The following USP12 variants were observed in gnomAD, a reference collection of about 807,000 sequenced individuals.
USP12 encodes the protein ubiquitin carboxyl-terminal hydrolase 12.
In USP12, 19 loss-of-function variants were observed where a neutral mutation model predicts 45.5. That is an observed-to-expected ratio of 0.42 (90% CI 0.29 to 0.61). USP12 has a LOEUF of 0.61. Among genes scored for constraint, USP12 ranks in the 20% least tolerant of loss-of-function variants. USP12 has a pLI of 0.22. For synonymous variants in USP12, 149 were observed against 148.8 expected (o/e 1.00, Z -0.01); for missense variants, 242 against 447.7 (o/e 0.54, Z 4.15).
intron 1 of USP12, among the ~76,000 whole-genome samples, chr13:27,146,105 T>C (rs1403306486): frequency 6.6e-6 from 1 of 152,146 alleles, no homozygotes; most frequent in Non-Finnish European, 1.5e-5. Flanking sequence ...GTAAAATTTC[T>C]TTAAAAGTAC....
At chr13:27,159,591 C>A (rs1255875867) in intron 1 of USP12, among the ~76,000 whole-genome samples, 1 of 152,210 alleles carries the variant, frequency 6.6e-6, no homozygotes, top group Non-Finnish European at 1.5e-5. Flanking sequence ...TATCCTAACT[C>A]TCTTTAACAG....
At chr13:27,087,499 G>A (rs568785610) in intron 6 of USP12, among the ~76,000 whole-genome samples, 13 of 152,250 alleles carry the variant, frequency 8.5e-5, no homozygotes, top group South Asian at 2.1e-4. Context: ...ATCAATAGAC[G>A]TAGAAGAGAA....
chr13:27,149,722 C>A (rs949098739), intron 1 of USP12, among the ~76,000 whole-genome samples: 1 of 152,188 alleles, frequency 6.6e-6, no homozygotes, highest in South Asian at 2.1e-4. Context: ...CAGTCCCCAA[C>A]CTTTTCGGCA....
intron 7 of USP12, among the ~76,000 whole-genome samples, chr13:27,074,174 G>A (rs1240877362): frequency 6.6e-6 from 1 of 152,218 alleles, no homozygotes; most frequent in Non-Finnish European, 1.5e-5. Flanking sequence ...GCCGAGGCGG[G>A]CAGATCACGA....
chr13:27,083,273 T>G (rs959119283), intron 6 of USP12, among the ~76,000 whole-genome samples: 1 of 152,158 alleles, frequency 6.6e-6, no homozygotes, highest in African/African-American at 2.4e-5. Context: ...TTACCAAAAA[T>G]GTGACAGAGA....
At chr13:27,125,239 A>G (rs1876172244) in intron 1 of USP12, among the ~76,000 whole-genome samples, 1 of 152,248 alleles carries the variant, frequency 6.6e-6, no homozygotes. Context: ...AATTTTATAT[A>G]CAAAAGCATA....
At chr13:27,165,554 CA>C (rs975146631) in intron 1 of USP12, among the ~76,000 whole-genome samples, 5 of 152,096 alleles carry the variant, frequency 3.3e-5, no homozygotes, top group African/African-American at 1.2e-4. Context: ...AGGTACTAGT[CA>C]ACAACCCTAT....
At chr13:27,167,009 A>AT (rs1878377077) in intron 1 of USP12, among the ~76,000 whole-genome samples, 1 of 152,196 alleles carries the variant, frequency 6.6e-6, no homozygotes, top group African/African-American at 2.4e-5. Context: ...GTGTAAAACT[A>AT]TATCTAGGGA....
intron 1 of USP12, among the ~76,000 whole-genome samples, chr13:27,159,776 T>C (rs567242947): frequency 1.2e-4 from 19 of 152,342 alleles, no homozygotes; most frequent in African/African-American, 4.1e-4. Flanking sequence ...AAATTACAGA[T>C]GTCACATTCA....
At chr13:27,115,853 C>T (rs1401956536) in intron 2 of USP12, among the ~76,000 whole-genome samples, 3 of 152,290 alleles carry the variant, frequency 2.0e-5, no homozygotes, top group South Asian at 2.1e-4. Flanking sequence ...TAAATGTATA[C>T]TTGTACATTT....
intron 3 of USP12, among the ~76,000 whole-genome samples, chr13:27,097,643 A>G (rs1302118366): frequency 6.6e-6 from 1 of 152,178 alleles, no homozygotes; most frequent in Non-Finnish European, 1.5e-5. Flanking sequence ...CAACTTATTC[A>G]AGCTCCCTGT....
chr13:27,087,297 G>A (rs1430596551), intron 6 of USP12, among the ~76,000 whole-genome samples: 2 of 151,662 alleles, frequency 1.3e-5, no homozygotes, highest in Admixed American at 1.3e-4. Context: ...GCACGCTCGT[G>A]TGCATGCAGG....
intron 1 of USP12, among the ~76,000 whole-genome samples, chr13:27,160,651 T>C (rs1268811978): frequency 2.0e-5 from 3 of 152,096 alleles, no homozygotes; most frequent in Non-Finnish European, 2.9e-5. Flanking sequence ...CACCTTTACA[T>C]AAAAACCCTG....
intron 1 of USP12, among the ~76,000 whole-genome samples, chr13:27,153,892 A>C (rs1877696709): frequency 6.6e-6 from 1 of 152,208 alleles, no homozygotes; most frequent in Admixed American, 6.5e-5. Context: ...CTAGAAGTCC[A>C]GGCTCTATGT....
chr13:27,122,652 A>AAAATAAAT (rs376672232), intron 1 of USP12, among the ~76,000 whole-genome samples: 19 of 151,634 alleles, frequency 1.3e-4, no homozygotes, highest in Non-Finnish European at 2.5e-4. Flanking sequence ...ACCCCATCTC[A>AAAATAAAT]AAATAAATAA....
intron 1 of USP12, among the ~76,000 whole-genome samples, chr13:27,169,565 G>A (rs1878491464): frequency 6.6e-6 from 1 of 152,050 alleles, no homozygotes; most frequent in Non-Finnish European, 1.5e-5. Context: ...GATCTCATTT[G>A]GCCAGGCATT....
In USP12 at chr13:27,110,126, G is replaced by GT. The variant is rs1418579312; in HGVS notation, c.130-4183dup. Among the ~76,000 whole-genome samples, 22 of 6,122 alleles carry GT rather than the reference G, an allele frequency of 3.6e-3. 5 individuals are homozygous for GT. The highest frequency in any genetic ancestry group is 0.014 in the South Asian group (2 of 140). The allele number at this position is 6,122 out of a possible 152,430, so 4.0% of individuals were successfully genotyped here. ...TGATGACTAGGATTTCCTTTTCCAG[G>GT]TAAAAAAAAAAAAAAAAAAAGGATA... On this transcript the variant is annotated intron_variant, in intron 2 of 8. Transcript: ENST00000282344.
At chr13:27,157,264 G>A (rs1454983465) in intron 1 of USP12, among the ~76,000 whole-genome samples, 6 of 151,794 alleles carry the variant, frequency 4.0e-5, no homozygotes, top group Admixed American at 3.9e-4. Context: ...CTTTTTGCTT[G>A]ATAAGTTTTA....
intron 1 of USP12, among the ~76,000 whole-genome samples, chr13:27,124,490 TTAATA>T (rs537101932): frequency 3.9e-5 from 6 of 152,334 alleles, no homozygotes; most frequent in African/African-American, 1.4e-4. Flanking sequence ...CCACACAACT[TTAATA>T]TAAATAAAGA....
Sources: allele counts gnomAD v4.1 joint callset (sites outside exome capture counted in the v4.1 genomes callset), GRCh38; gene constraint gnomAD v4.1.1; transcripts MANE v1.5; gene names NCBI Gene and HGNC (gene_info 2026-07-23, HGNC 2026-07-21).